Variants in ZMIZ2 observed in about 807,000 individuals in gnomAD.
ZMIZ2 encodes the protein zinc finger MIZ domain-containing protein 2.
In ZMIZ2, 26 loss-of-function variants were observed where a neutral mutation model predicts 93.9. The observed-to-expected ratio is 0.28, with a 90% CI of 0.20 to 0.38. ZMIZ2 has a LOEUF of 0.38. ZMIZ2 is among the 10% of genes least tolerant of loss of function. ZMIZ2 has a pLI of 1.00. For synonymous variants in ZMIZ2, 485 were observed against 516.4 expected (o/e 0.94, Z 0.82); for missense variants, 1,023 against 1,235.0 (o/e 0.83, Z 2.57).
intron 18 of ZMIZ2, among the ~76,000 whole-genome samples, chr7:44,767,055 AGAAACTCATTCTAGAAGTTCAACAT>A (rs1203716712): frequency 6.6e-6 from 1 of 152,176 alleles, no homozygotes; most frequent in Non-Finnish European, 1.5e-5. Context: ...GGACCATAAT[AGAAACTCATTCTAGAAGTTCAACAT>A]GAAACTCATT....
At position 44,768,836 on chromosome 7, in the gene ZMIZ2, G is replaced by T. The variant is rs2116942395; in HGVS notation, c.*1213G>T. On this transcript the variant is annotated 3_prime_UTR_variant, in exon 19 of 19. Coordinates refer to ENST00000309315, the MANE Select transcript of ZMIZ2 (RefSeq NM_031449.4). The stretch of plus-strand genomic sequence containing the variant: ...CCTTCAAGTGGCTTTTGGGGCCCCA[G>T]GTTGAGCTCTGGATGTTTCAAGCCA... The T allele has an allele frequency of 6.6e-6, 1 of 152,388 alleles. No homozygotes were observed. The highest frequency in any genetic ancestry group is 3.4e-3 in the Middle Eastern group (1 of 294). 9.4% of individuals were successfully genotyped at this position (152,388 alleles called of 1,614,324 possible). A position where few individuals can be genotyped will look rare whatever the true frequency, so the allele number is the denominator to read the frequency against.
At chr7:44,757,626 G>A in intron 5 of ZMIZ2, 65 bp downstream of exon 5, 1 of 1,514,280 alleles carries the variant, frequency 6.6e-7, no homozygotes. Flanking sequence ...GAGGTACTCA[G>A]CCAGACAGTG....
intron 1 of ZMIZ2, among the ~76,000 whole-genome samples, chr7:44,755,264 C>T (rs571771256): frequency 6.6e-6 from 1 of 152,192 alleles, no homozygotes; most frequent in Non-Finnish European, 1.5e-5. Context: ...TCTCCCCAGC[C>T]CCTTTCTTAG....
intron 4 of ZMIZ2, 55 bp from the exon 5 acceptor site, chr7:44,757,323 G>T: frequency 1.9e-6 from 3 of 1,580,226 alleles, no homozygotes; most frequent in Non-Finnish European, 2.6e-6. Flanking sequence ...GGTGAGCACA[G>T]TCCTGGCCCT....
intron 1 of ZMIZ2, among the ~76,000 whole-genome samples, chr7:44,753,484 A>G (rs1790334400): frequency 6.6e-6 from 1 of 152,116 alleles, no homozygotes; most frequent in Admixed American, 6.6e-5. Flanking sequence ...GGGCTCAAGC[A>G]GTCCTCCTGC....
rs1583626130 is a variant in ZMIZ2 at position 44,757,907 on chromosome 7, T to A, written c.612T>A (p.Pro204=). Residue 204 remains proline, a synonymous_variant, in exon 6 of 19, where the codon CCT becomes CCA. Coordinates refer to ENST00000309315, the MANE Select transcript of ZMIZ2 (RefSeq NM_031449.4). ...TGCAGCATGGAGGTCCCCGGGGGCC[T>A]AGTGTCCCCGCTGGCATGAACCCTA... ...QFLQHGGPRG[P]SVPAGMNPTG... is the part of the protein sequence containing the mutation. 1 of 1,608,568 alleles carries A rather than the reference T, an allele frequency of 6.2e-7. No individual in the cohort carries two copies. Among genetic ancestry groups the A allele is most frequent in the Non-Finnish European group, 8.5e-7 (1 of 1,177,116 alleles).
At chr7:44,748,666 G>A (rs1374270484), upstream of ZMIZ2, 2 of 151,136 alleles carry the variant, frequency 1.3e-5, no homozygotes, top group Non-Finnish European at 3.0e-5. Flanking sequence ...GTCGCGATCA[G>A]GCTGCGTCTC....
At chr7:44,752,645 G>A (rs1790254632) in intron 1 of ZMIZ2, among the ~76,000 whole-genome samples, 1 of 151,968 alleles carries the variant, frequency 6.6e-6, no homozygotes, top group Admixed American at 6.6e-5. Context: ...TTTTTCCACC[G>A]AGCATTAATT....
chr7:44,762,946 C>T lies in ZMIZ2; in HGVS notation c.1662C>T (p.Leu554=). 1.2e-6 allele frequency: 2 copies of T among 1,613,624 alleles called. No individual in the cohort carries two copies. The highest frequency in any genetic ancestry group is 1.7e-6 in the Non-Finnish European group (2 of 1,179,710). Residue 554 remains leucine (L), a synonymous_variant, in exon 12 of 19, where the codon CTC becomes CTT. Coordinates refer to ENST00000309315, the MANE Select transcript of ZMIZ2 (RefSeq NM_031449.4). ...TCCGCTCGGTGCTGCAGGGCCTCCTCAAAAAGCGCCTCCTGCCTGCTGAGC... is the reference window on the plus strand; with the variant it reads ...TCCGCTCGGTGCTGCAGGGCCTCCTTAAAAAGCGCCTCCTGCCTGCTGAGC... ...PSVRSVLQGL[L]KKRLLPAEHC...
In ZMIZ2 at chr7:44,758,636, G is replaced by T. The variant is rs558450666; in HGVS notation, c.813+528G>T. ...ACTAATAATAGAAAAAATTAGGCCG[G>T]GCGCGGTGGCTCACGCCTGTAATCT... is the stretch of plus-strand genomic sequence containing the variant. On this transcript the variant is annotated intron_variant, in intron 6 of 18. Transcript: ENST00000309315. 9.2e-5 allele frequency among the ~76,000 whole-genome samples: 14 copies of T among 152,084 alleles called. No homozygotes were observed. In the South Asian group the frequency reaches 2.9e-3, roughly 32 times the overall value.
At position 44,760,198 on chromosome 7, in the gene ZMIZ2, C is replaced by T. The variant is rs779315192; in HGVS notation, c.1041C>T (p.Ser347=). 5.0e-5 allele frequency: 80 copies of T among 1,613,238 alleles called. No individual in the cohort carries two copies. The highest frequency in any genetic ancestry group is 6.4e-5 in the Non-Finnish European group (76 of 1,179,790). The change falls in exon 8 of 19, where the codon AGC becomes AGT. Residue 347 remains serine (S), a synonymous_variant. Coordinates refer to ENST00000309315, the MANE Select transcript of ZMIZ2 (RefSeq NM_031449.4). The stretch of plus-strand genomic sequence containing the variant: ...AGGGCGCCAGCTTCAACGGGGGCAG[C>T]GTCAGCTACAGCCAACCTGGCCTGA... ...NGQGASFNGG[S]VSYSQPGLSG...
intron 1 of ZMIZ2, among the ~76,000 whole-genome samples, chr7:44,753,708 T>C (rs1055989708): frequency 3.3e-5 from 5 of 152,264 alleles, no homozygotes; most frequent in Non-Finnish European, 7.3e-5. Context: ...TTTTCTTTTA[T>C]GGATCATGCC....
chr7:44,760,043 AAG>A (rs1791009980), intron 7 of ZMIZ2, 106 bp from the exon 8 acceptor site: 1 of 1,103,072 alleles, frequency 9.1e-7, no homozygotes, highest in Non-Finnish European at 1.3e-6. Context: ...TGGAAAATAC[AAG>A]AGAGTGTAAA....
chr7:44,757,862 G>A lies in ZMIZ2; in HGVS notation c.567G>A (p.Gln189=), dbSNP rs746673040. 1.3e-6 allele frequency: 2 copies of A among 1,584,554 alleles called. No individual in the cohort carries two copies. The highest frequency in any genetic ancestry group is 2.3e-5 in the South Asian group (2 of 87,222). ...LSQYGAMGAG[Q]SFNSQFLQHG... ...TCTCTTCCTAGATGGGGGCCGGACA[G>A]TCTTTTAACAGCCAGTTTCTGCAGC... The change falls in exon 6 of 19, where the codon CAG becomes CAA. Residue 189 remains glutamine, a synonymous_variant. Transcript: ENST00000309315.
Position 44,756,980 on chromosome 7 carries a change from C to T in ZMIZ2, c.199C>T (p.Pro67Ser). The change falls in exon 4 of 19, where the codon CCC (proline) becomes TCC (serine). Residue 67 changes from proline (P) to serine (S), a missense_variant. Physicochemically the swap from Pro to Ser is moderately conservative, Grantham distance 74. Coordinates refer to ENST00000309315, the MANE Select transcript of ZMIZ2 (RefSeq NM_031449.4). ...GAACCCCATGGGCCCTGCAGGGAGT[C>T]CCTCTGGCAGCTCCATGATGCCTGG... ...LGNPMGPAGSPSGSSMMPGVA... is the reference protein window; with the variant it reads ...LGNPMGPAGSSSGSSMMPGVA... 6.2e-7 allele frequency: 1 copy of T among 1,612,560 alleles called. No homozygotes were observed.
chr7:44,756,289 G>A lies in ZMIZ2; in HGVS notation c.40G>A (p.Ala14Thr). The A allele has an allele frequency of 6.2e-7, 1 of 1,613,978 alleles. No homozygotes were observed. Among genetic ancestry groups the A allele is most frequent in the Non-Finnish European group, 8.5e-7 (1 of 1,179,998 alleles). ...MNPMKPALPP[A>T]PHGDGSFAYE... Reference sequence around the variant, plus strand: ...CCCCATGAAACCTGCCCTGCCCCCTGCGCCACACGGGTGAGTGTGGGCTCC... The same window carrying A: ...CCCCATGAAACCTGCCCTGCCCCCTACGCCACACGGGTGAGTGTGGGCTCC... Residue 14 changes from alanine (A) to threonine (T), a missense_variant, in exon 2 of 19, where the codon GCG becomes ACG. Physicochemically the swap from Ala to Thr is moderately conservative, Grantham distance 58 (BLOSUM62 0). Transcript: ENST00000309315.
rs1034647616 is a variant in ZMIZ2 at position 44,761,280 on chromosome 7, C to A, written c.1241-169C>A. ...CCTCAGGAGAGATGCTGCCCATGGC[C>A]CCAGCCCCAGGGCACCACTCAGGCC... On this transcript the variant is annotated intron_variant, in intron 9 of 18. Transcript: ENST00000309315. The surrounding 1 kb of genome is among the most constrained non-coding windows in gnomAD (Gnocchi z 5.8). 4.8e-6 allele frequency: 3 copies of A among 628,842 alleles called. No individual in the cohort carries two copies. The African/African-American group carries it at 6.0e-5, about 13-fold the overall frequency. The allele number at this position is 628,842 out of a possible 1,614,324, so 39.0% of individuals were successfully genotyped here.
At position 44,760,481 on chromosome 7, in the gene ZMIZ2, A is replaced by T; in HGVS notation, c.1128A>T (p.Pro376=). ...CCCCACTGCCAGGGAACCCCACGCC[A>T]CCCATGACCCCAAGCAGCAGCGTCC... ...PSSPLPGNPT[P]PMTPSSSVPY... The change falls in exon 9 of 19, where the codon CCA becomes CCT. Residue 376 remains proline, a synonymous_variant. Transcript: ENST00000309315. 1 of 1,613,962 alleles carries T rather than the reference A, an allele frequency of 6.2e-7. No individual in the cohort carries two copies. The highest frequency in any genetic ancestry group is 1.1e-5 in the South Asian group (1 of 91,076).
At chr7:44,757,308 T>C in intron 4 of ZMIZ2, 70 bp from the exon 5 acceptor site, 1 of 1,562,882 alleles carries the variant, frequency 6.4e-7, no homozygotes, top group South Asian at 1.1e-5. Flanking sequence ...GCTGCATGCC[T>C]CTGGGGTGAG....
Sources: gnomAD v4.1 joint callset for allele counts (sites outside exome capture counted in the v4.1 genomes callset) on GRCh38, gnomAD v4.1.1 for gene constraint, Gnocchi (gnomAD v3.1) non-coding constraint, MANE v1.5 for transcripts, NCBI Gene and HGNC (gene_info 2026-07-23, HGNC 2026-07-21) for gene names.